LRRK2: variants seen among roughly 807,000 people sequenced by gnomAD.
The protein encoded by LRRK2 is leucine rich repeat kinase 2, also known as leucine-rich repeat serine/threonine-protein kinase 2.
LRRK2 carries 203 observed loss-of-function variants against 302.6 expected under a neutral mutation model. That is an observed-to-expected ratio of 0.67 (90% CI 0.60 to 0.75). The LOEUF is 0.75. LRRK2 is among the 30% of genes least tolerant of loss of function. The pLI, the probability that LRRK2 is intolerant of heterozygous loss-of-function variation, is 0.00. For missense variants in LRRK2, 2,830 were observed against 2,951.0 expected, an observed-to-expected ratio of 0.96 and a Z score of 0.95; for synonymous variants, 1,066 against 1,031.9, an observed-to-expected ratio of 1.03 and a Z score of -0.63.
intron 27 of LRRK2, chr12:40,304,764 T>G (rs964976895): frequency 2.0e-5 from 3 of 152,106 alleles, no homozygotes; most frequent in Non-Finnish European, 2.9e-5. Context: ...CCATTCAATT[T>G]TTTTTTGTTT....
chr12:40,327,434 C>T (rs1945587753), intron 38 of LRRK2, among the ~76,000 whole-genome samples: 1 of 152,130 alleles, frequency 6.6e-6, no homozygotes, highest in Admixed American at 6.5e-5. Context: ...TGAACCCAGA[C>T]ATTAGCGTTT....
chr12:40,288,205 T>C (rs1944002349), intron 20 of LRRK2, among the ~76,000 whole-genome samples: 1 of 151,762 alleles, frequency 6.6e-6, no homozygotes, highest in African/African-American at 2.4e-5. Flanking sequence ...TTCCAAAATA[T>C]TGTGTCTCAA....
rs1401276339 is a variant in LRRK2, at chr12:40,303,945, T to C, written c.3591-3T>C. On this transcript the variant is annotated splice_polypyrimidine_tract_variant and splice_region_variant and intron_variant, in intron 26 of 50. Transcript: ENST00000298910. ...TTTATGTCTTTTCTGTGTATTGTTT[T>C]AGCTTGCGGTCTTTAGATATGAGCA... 1.2e-6 allele frequency: 2 copies of C among 1,613,424 alleles called. No homozygotes were observed. Among genetic ancestry groups the C allele is most frequent in the Admixed American group, 1.7e-5 (1 of 59,958 alleles).
At chr12:40,277,427 G>A (rs907369088) in intron 16 of LRRK2, among the ~76,000 whole-genome samples, 2 of 152,066 alleles carry the variant, frequency 1.3e-5, no homozygotes, top group Non-Finnish European at 2.9e-5. Context: ...TAAACATTTC[G>A]GAAGACAGCG....
At chr12:40,288,696 G>C (rs955179249) in intron 20 of LRRK2, among the ~76,000 whole-genome samples, 8 of 151,822 alleles carry the variant, frequency 5.3e-5, no homozygotes, top group African/African-American at 1.4e-4. Context: ...TAATTATGTA[G>C]AGGATGTTTT....
intron 22 of LRRK2, 81 bp from the exon 23 acceptor site, chr12:40,295,346 A>AGG: frequency 7.8e-7 from 1 of 1,288,792 alleles, no homozygotes; most frequent in East Asian, 2.3e-5. Flanking sequence ...CCTGATTGCT[A>AGG]GGAGGTGCTC....
At chr12:40,365,182 T>C (rs1336710556) in intron 49 of LRRK2, 132 bp downstream of exon 49, 2 of 782,858 alleles carry the variant, frequency 2.6e-6, no homozygotes, top group East Asian at 2.6e-5. Context: ...CAGTGAAACA[T>C]AAGACTGGTA....
chr12:40,319,903 C>T, intron 33 of LRRK2, 85 bp from the exon 34 acceptor site: 1 of 1,317,664 alleles, frequency 7.6e-7, no homozygotes, highest in South Asian at 1.3e-5. Flanking sequence ...ACTACTTTCA[C>T]TGAGCAAAGA....
intron 18 of LRRK2, among the ~76,000 whole-genome samples, chr12:40,282,565 G>A (rs996718237): frequency 6.6e-6 from 1 of 152,136 alleles, no homozygotes; most frequent in Non-Finnish European, 1.5e-5. Context: ...AATAGAAATA[G>A]CATAAAAGGT....
chr12:40,355,638 G>A (rs1245103353), intron 45 of LRRK2, among the ~76,000 whole-genome samples: 2 of 150,872 alleles, frequency 1.3e-5, no homozygotes, highest in Admixed American at 6.6e-5. Flanking sequence ...CACCTCCTAA[G>A]TTCAAGCGAT....
At chr12:40,338,157 CCCT>C (rs200521371) in intron 40 of LRRK2, among the ~76,000 whole-genome samples, 9,722 of 152,156 alleles carry the variant, frequency 0.064, 426 homozygotes, top group Admixed American at 0.13. Context: ...GTGTTTTTCT[CCCT>C]CTGTGCTTCC....
At chr12:40,309,996 A>G (rs751054578) in intron 30 of LRRK2, among the ~76,000 whole-genome samples, 1 of 152,186 alleles carries the variant, frequency 6.6e-6, no homozygotes, top group Non-Finnish European at 1.5e-5. Flanking sequence ...CTTTCATTGT[A>G]GACTCCAAAT....
At chr12:40,309,420 T>C (rs911993910) in intron 30 of LRRK2, among the ~76,000 whole-genome samples, 187 bp downstream of exon 30, 2 of 152,108 alleles carry the variant, frequency 1.3e-5, no homozygotes, top group African/African-American at 2.4e-5. Flanking sequence ...ACATGAAAAT[T>C]GTATGTTCCA....
intron 32 of LRRK2, 109 bp downstream of exon 32, chr12:40,314,282 G>T (rs754043912): frequency 1.6e-5 from 18 of 1,115,234 alleles, no homozygotes; most frequent in Non-Finnish European, 2.4e-5. Flanking sequence ...TATCCATACG[G>T]TTCTTTAATA....
chr12:40,288,557 C>T (rs1443651081), intron 20 of LRRK2, among the ~76,000 whole-genome samples: 1 of 151,702 alleles, frequency 6.6e-6, no homozygotes. Context: ...TATGTTCTAC[C>T]CCCACCAGCA....
At chr12:40,363,363 A>G (rs1592348939) in intron 47 of LRRK2, 39 bp from the exon 48 acceptor site, 1 of 1,591,920 alleles carries the variant, frequency 6.3e-7, no homozygotes, top group African/African-American at 1.4e-5. Flanking sequence ...TTAAGAAGAA[A>G]ACAAATAGTG....
chr12:40,287,648 G>C lies in LRRK2; in HGVS notation c.2689+109G>C, dbSNP rs558063903. 23 of 1,107,994 alleles carry C rather than the reference G, an allele frequency of 2.1e-5. No homozygotes were observed. The East Asian group carries it at 5.1e-4, about 24-fold the overall frequency. The allele number at this position is 1,107,994 out of a possible 1,614,324, so 68.6% of individuals were successfully genotyped here. On this transcript the variant is annotated intron_variant, in intron 20 of 50. Transcript: ENST00000298910. ...TAAATCATCTGGAAAAACTTGAGTA[G>C]AAATGTGTTTATTATCGCAAACAGT...
chr12:40,260,577 A>T (rs184030321), intron 13 of LRRK2, among the ~76,000 whole-genome samples: 9 of 152,086 alleles, frequency 5.9e-5, no homozygotes, highest in Admixed American at 2.6e-4. Flanking sequence ...AGTGCTAAAA[A>T]TTTTTTGCCT....
chr12:40,284,266 T>C, intron 19 of LRRK2, 133 bp downstream of exon 19: 2 of 699,716 alleles, frequency 2.9e-6, no homozygotes, highest in South Asian at 2.6e-5. Context: ...TTTGGATTTT[T>C]TTTTTTTTTG....
Sources: gnomAD v4.1 joint callset for allele counts (sites outside exome capture counted in the v4.1 genomes callset) on GRCh38, gnomAD v4.1.1 for gene constraint, MANE v1.5 for transcripts, NCBI Gene and HGNC (gene_info 2026-07-23, HGNC 2026-07-21) for gene names.